ZNF407: variants seen among roughly 807,000 people sequenced by gnomAD.
ZNF407 encodes the protein zinc finger protein 407.
In ZNF407, 17 loss-of-function variants were observed where a neutral mutation model predicts 131.2. The observed-to-expected ratio is 0.13, with a 90% CI of 0.09 to 0.19. The LOEUF is 0.19. Ranked by LOEUF, ZNF407 falls within the 10% of genes least tolerant of loss-of-function variation. The pLI is 1.00. For missense variants in ZNF407, 2,681 were observed against 2,830.6 expected, an observed-to-expected ratio of 0.95 and a Z score of 1.20; for synonymous variants, 1,156 against 1,062.0, an observed-to-expected ratio of 1.09 and a Z score of -1.72.
At chr18:74,672,441 T>TGTTCATTGGAGCAC in intron 3 of ZNF407, among the ~76,000 whole-genome samples, 1 of 22,862 alleles carries the variant, frequency 4.4e-5, no homozygotes, top group Non-Finnish European at 2.0e-4. Context: ...GGAGCACTGT[T>TGTTCATTGGAGCAC]TGTCTGTTCA....
At chr18:74,922,158 T>C (rs1030096848) in intron 8 of ZNF407, among the ~76,000 whole-genome samples, 3 of 152,216 alleles carry the variant, frequency 2.0e-5, no homozygotes, top group Admixed American at 2.0e-4. Flanking sequence ...CAGCTTTAGT[T>C]CATAAAAACA....
intron 2 of ZNF407, among the ~76,000 whole-genome samples, chr18:74,636,341 AAAC>A (rs1984461988): frequency 6.6e-6 from 1 of 152,152 alleles, no homozygotes; most frequent in Non-Finnish European, 1.5e-5. Flanking sequence ...GTTTTTAAAA[AAAC>A]ATTTTTTTTT....
intron 3 of ZNF407, among the ~76,000 whole-genome samples, chr18:74,680,147 T>A (rs925545300): frequency 6.6e-6 from 1 of 152,030 alleles, no homozygotes. Flanking sequence ...TCCCAGAACT[T>A]TGGGAGGTTG....
intron 8 of ZNF407, among the ~76,000 whole-genome samples, chr18:74,977,469 G>C (rs1317753336): frequency 6.6e-6 from 1 of 152,252 alleles, no homozygotes; most frequent in Non-Finnish European, 1.5e-5. Context: ...TCATGGCGAT[G>C]TTTAGTAGCC....
At chr18:74,617,136 A>ACACCACACACATCCATATCCACG (rs1983345213) in intron 1 of ZNF407, among the ~76,000 whole-genome samples, 17 of 3,704 alleles carry the variant, frequency 4.6e-3, no homozygotes, top group East Asian at 0.017. Flanking sequence ...CCATATCCAC[A>ACACCACACACATCCATATCCACG]CACCACACAC....
intron 4 of ZNF407, among the ~76,000 whole-genome samples, chr18:74,864,391 A>C (rs1476781276): frequency 6.6e-6 from 1 of 152,216 alleles, no homozygotes; most frequent in African/African-American, 2.4e-5. Flanking sequence ...CTGAAAAAAC[A>C]AGTAAGCTGC....
intron 8 of ZNF407, among the ~76,000 whole-genome samples, chr18:75,018,621 C>A (rs985615632): frequency 6.6e-6 from 1 of 151,692 alleles, no homozygotes; most frequent in South Asian, 2.1e-4. Flanking sequence ...TTTAAGATAA[C>A]TTGGGTAGAA....
chr18:74,886,732 G>A (rs1403225605), intron 6 of ZNF407, among the ~76,000 whole-genome samples: 1 of 152,194 alleles, frequency 6.6e-6, no homozygotes, highest in Non-Finnish European at 1.5e-5. Flanking sequence ...ATGGTGGCTT[G>A]ACAAAGGGAT....
chr18:74,970,576 C>T (rs576347629), intron 8 of ZNF407, among the ~76,000 whole-genome samples: 1 of 152,338 alleles, frequency 6.6e-6, no homozygotes, highest in Admixed American at 6.5e-5. Context: ...AAAATGATCT[C>T]CTTTGACTCC....
At chr18:74,921,756 A>G (rs777035173) in intron 8 of ZNF407, among the ~76,000 whole-genome samples, 1 of 152,200 alleles carries the variant, frequency 6.6e-6, no homozygotes, top group African/African-American at 2.4e-5. Flanking sequence ...ATTTATGCCT[A>G]TCTGTGCCAT....
chr18:74,855,048 A>C (rs1212244157), intron 4 of ZNF407, among the ~76,000 whole-genome samples: 1 of 152,144 alleles, frequency 6.6e-6, no homozygotes, highest in African/African-American at 2.4e-5. Context: ...AAAATATTTT[A>C]TATTTCTTTG....
intron 4 of ZNF407, among the ~76,000 whole-genome samples, chr18:74,863,999 C>T (rs1018359516): frequency 1.3e-5 from 2 of 151,952 alleles, no homozygotes; most frequent in African/African-American, 2.4e-5. Context: ...ACATTCAAAC[C>T]TCTGTCTCCT....
At chr18:75,006,153 T>G (rs913647843) in intron 8 of ZNF407, among the ~76,000 whole-genome samples, 1 of 152,186 alleles carries the variant, frequency 6.6e-6, no homozygotes, top group Non-Finnish European at 1.5e-5. Context: ...AGTCCTAATA[T>G]TCTTCCTCTG....
intron 8 of ZNF407, among the ~76,000 whole-genome samples, chr18:75,055,494 A>G (rs551581031): frequency 6.6e-6 from 1 of 152,124 alleles, no homozygotes; most frequent in Non-Finnish European, 1.5e-5. Context: ...CACCTCTATT[A>G]CTGTTAGATC....
At position 74,763,779 on chromosome 18, in the gene ZNF407, G is replaced by A. The variant is rs1379124301; in HGVS notation, c.4803-17649G>A. Among the ~76,000 whole-genome samples, 4 of 146,810 alleles carry A rather than the reference G, an allele frequency of 2.7e-5. No individual in the cohort carries two copies. The East Asian group carries it at 6.0e-4, about 22-fold the overall frequency. On this transcript the variant is annotated intron_variant, in intron 3 of 8. Transcript: ENST00000299687. ...GGCTGGAGGGCAGTGGCGCGATCTCGGCTCACTGCAAGCTCTGCCTCCCGG... is the reference window on the plus strand; with the variant it reads ...GGCTGGAGGGCAGTGGCGCGATCTCAGCTCACTGCAAGCTCTGCCTCCCGG...
intron 1 of ZNF407, among the ~76,000 whole-genome samples, chr18:74,627,013 T>C (rs1458864996): frequency 6.6e-6 from 1 of 152,202 alleles, no homozygotes; most frequent in Non-Finnish European, 1.5e-5. Context: ...CCTCAACTTA[T>C]AATGCCCCTC....
intron 8 of ZNF407, among the ~76,000 whole-genome samples, chr18:75,022,096 T>G (rs576442427): frequency 2.6e-5 from 4 of 152,260 alleles, no homozygotes; most frequent in African/African-American, 9.6e-5. Context: ...GTATTTATTA[T>G]AACTAGTAAC....
At chr18:74,727,633 T>C (rs1184898822) in intron 3 of ZNF407, among the ~76,000 whole-genome samples, 2 of 152,156 alleles carry the variant, frequency 1.3e-5, no homozygotes, top group Admixed American at 6.5e-5. Flanking sequence ...ACTTTTCAAC[T>C]TTCAGAATTG....
chr18:74,722,355 T>G (rs1300108751), intron 3 of ZNF407, among the ~76,000 whole-genome samples: 1 of 152,160 alleles, frequency 6.6e-6, no homozygotes, highest in East Asian at 1.9e-4. Flanking sequence ...TGCGTGGAGA[T>G]CCTCTCTAGT....
Sources: gnomAD v4.1 joint callset for allele counts (sites outside exome capture counted in the v4.1 genomes callset) on GRCh38, gnomAD v4.1.1 for gene constraint, MANE v1.5 for transcripts, NCBI Gene and HGNC (gene_info 2026-07-23, HGNC 2026-07-21) for gene names.